Variants in OSTF1 observed in about 807,000 individuals in gnomAD.
OSTF1 encodes osteoclast stimulating factor 1.
Under a neutral mutation model 37.2 loss-of-function variants are expected in OSTF1, and 27 were observed. The ratio of observed to expected loss-of-function variants is 0.73; its 90% CI spans 0.54 to 1.00. The LOEUF is 1.00. Ranked by LOEUF, OSTF1 falls within the 50% of genes least tolerant of loss-of-function variation. The probability of loss-of-function intolerance (pLI) is 0.00; values close to 1 mark genes in which losing one functional copy is unlikely to be tolerated. For synonymous variants in OSTF1, 82 were observed against 89.2 expected (o/e 0.92, Z 0.46); for missense variants, 232 against 253.8 (o/e 0.91, Z 0.58).
chr9:75,144,935 C>T (rs76538360), intron 9 of OSTF1, among the ~76,000 whole-genome samples: 1,640 of 151,922 alleles, frequency 0.011, 20 homozygotes, highest in African/African-American at 0.037. Flanking sequence ...CCTTTTTAAC[C>T]TTGCAATTTA....
Position 75,133,418 on chromosome 9 carries a change from G to A in OSTF1, c.358+17G>A, listed in dbSNP as rs372433959. ...GCCACAAAGGTATTACATTTTGTTT[G>A]TTATATGTTTCTATGCTGCTGAAAA... On this transcript the variant is annotated intron_variant, in intron 6 of 9. Coordinates refer to ENST00000346234, the MANE Select transcript of OSTF1 (RefSeq NM_012383.5). 3.5e-6 allele frequency: 5 copies of A among 1,434,734 alleles called. No homozygotes were observed. Among genetic ancestry groups the A allele is most frequent in the Non-Finnish European group, 4.9e-6 (5 of 1,023,210 alleles). The allele number at this position is 1,434,734 out of a possible 1,614,324, so 88.9% of individuals were successfully genotyped here. A position where few individuals can be genotyped will look rare whatever the true frequency, so the allele number is the denominator to read the frequency against.
chr9:75,128,389 TA>T (rs1564165003), intron 3 of OSTF1, among the ~76,000 whole-genome samples: 3 of 98,192 alleles, frequency 3.1e-5, no homozygotes, highest in African/African-American at 1.2e-4. Flanking sequence ...TATATATATA[TA>T]TATATATATA....
At chr9:75,104,720 T>C (rs1352639717) in intron 1 of OSTF1, among the ~76,000 whole-genome samples, 3 of 152,150 alleles carry the variant, frequency 2.0e-5, no homozygotes, top group Non-Finnish European at 4.4e-5. Flanking sequence ...AGCTAACATT[T>C]ATGGGCACGT....
At chr9:75,101,105 A>G (rs1179476077) in intron 1 of OSTF1, among the ~76,000 whole-genome samples, 1 of 152,076 alleles carries the variant, frequency 6.6e-6, no homozygotes, top group Non-Finnish European at 1.5e-5. Context: ...GTCTTTCCAG[A>G]TCCTCCTGAC....
intron 1 of OSTF1, among the ~76,000 whole-genome samples, chr9:75,105,027 G>T (rs982033876): frequency 1.3e-5 from 2 of 152,306 alleles, no homozygotes; most frequent in South Asian, 2.1e-4. Flanking sequence ...ATGGTGTCTG[G>T]CCCATGGTAA....
At chr9:75,102,950 G>A (rs1035992164) in intron 1 of OSTF1, among the ~76,000 whole-genome samples, 2 of 152,180 alleles carry the variant, frequency 1.3e-5, no homozygotes, top group Non-Finnish European at 2.9e-5. Flanking sequence ...GGAAGAGAAA[G>A]TGGATAAGGA....
chr9:75,104,403 C>T (rs1051059403), intron 1 of OSTF1, among the ~76,000 whole-genome samples: 8 of 152,040 alleles, frequency 5.3e-5, no homozygotes, highest in Non-Finnish European at 7.4e-5. Flanking sequence ...AAAAGTTAGC[C>T]GGGCATGGTG....
chr9:75,132,964 C>T (rs956725695), intron 5 of OSTF1, among the ~76,000 whole-genome samples: 1 of 87,284 alleles, frequency 1.1e-5, no homozygotes, highest in Non-Finnish European at 2.3e-5. Flanking sequence ...TATACACATA[C>T]ACACACATAC....
intron 1 of OSTF1, among the ~76,000 whole-genome samples, chr9:75,114,293 A>T (rs1197471826): frequency 6.6e-6 from 1 of 152,196 alleles, no homozygotes; most frequent in Non-Finnish European, 1.5e-5. Flanking sequence ...TTGTGGACAA[A>T]TCAGAGTGTA....
intron 9 of OSTF1, among the ~76,000 whole-genome samples, chr9:75,145,498 C>T (rs902598844): frequency 8.5e-5 from 13 of 152,114 alleles, no homozygotes; most frequent in East Asian, 7.7e-4. Context: ...CTTCACTAAA[C>T]GGCACAAAAT....
intron 9 of OSTF1, among the ~76,000 whole-genome samples, chr9:75,146,328 C>G (rs1000333959): frequency 6.6e-6 from 1 of 152,216 alleles, no homozygotes; most frequent in African/African-American, 2.4e-5. Context: ...TAGGCAAGAC[C>G]TCAGGCTGTC....
chr9:75,090,985 G>A (rs868619621), intron 1 of OSTF1, among the ~76,000 whole-genome samples: 24 of 152,022 alleles, frequency 1.6e-4, no homozygotes, highest in Admixed American at 2.6e-4. Context: ...ATAAAGATGC[G>A]CAGAAATGTT....
chr9:75,095,755 C>T (rs1048107794), intron 1 of OSTF1, among the ~76,000 whole-genome samples: 1 of 152,188 alleles, frequency 6.6e-6, no homozygotes, highest in Non-Finnish European at 1.5e-5. Context: ...TAAATGCACA[C>T]GTCAGCCCTC....
intron 1 of OSTF1, among the ~76,000 whole-genome samples, chr9:75,116,861 G>A (rs1019105859): frequency 1.3e-5 from 2 of 152,018 alleles, no homozygotes; most frequent in Non-Finnish European, 2.9e-5. Context: ...TCAGAGGTGT[G>A]TGTCTGTTCT....
chr9:75,137,188 A>G (rs986620656), intron 7 of OSTF1, among the ~76,000 whole-genome samples: 13 of 152,154 alleles, frequency 8.5e-5, no homozygotes, highest in Non-Finnish European at 1.5e-4. Flanking sequence ...CCCATGCCTC[A>G]TGCCTGCCCT....
intron 2 of OSTF1, among the ~76,000 whole-genome samples, chr9:75,119,420 G>T (rs191205450): frequency 6.6e-6 from 1 of 152,334 alleles, no homozygotes; most frequent in East Asian, 1.9e-4. Context: ...CAACTCTCCT[G>T]TGTTGGTGAG....
chr9:75,117,679 T>C lies in OSTF1; in HGVS notation c.81+129T>C, dbSNP rs138352893. 19 of 706,728 alleles carry C rather than the reference T, an allele frequency of 2.7e-5. No individual in the cohort carries two copies. The African/African-American group carries it at 3.2e-4, about 12-fold the overall frequency. The allele number at this position is 706,728 out of a possible 1,614,324, so 43.8% of individuals were successfully genotyped here. A position where few individuals can be genotyped will look rare whatever the true frequency, so the allele number is the denominator to read the frequency against. On this transcript the variant is annotated intron_variant, in intron 2 of 9. Transcript: ENST00000346234. ...CTAGGTAATTCTCAGGAATGGATGT[T>C]GGGTCCAGAGCTGTGCAAGTTAAGT...
chr9:75,132,988 CACACACACACACACACACACACA>C (rs796269121), intron 5 of OSTF1, among the ~76,000 whole-genome samples: 3 of 149,888 alleles, frequency 2.0e-5, no homozygotes, highest in African/African-American at 4.9e-5. Flanking sequence ...CACACACACA[CACACACACACACACACACACACA>C]CCCCTATATA....
At chr9:75,131,529 T>C (rs531637907) in intron 4 of OSTF1, among the ~76,000 whole-genome samples, 1 of 152,358 alleles carries the variant, frequency 6.6e-6, no homozygotes, top group South Asian at 2.1e-4. Context: ...ATACTTCCAG[T>C]TAATTACTAT....
Sources: allele counts gnomAD v4.1 joint callset (sites outside exome capture counted in the v4.1 genomes callset), GRCh38; gene constraint gnomAD v4.1.1; transcripts MANE v1.5; gene names NCBI Gene and HGNC (gene_info 2026-07-23, HGNC 2026-07-21).